Variants in ZNF560 observed in about 807,000 individuals in gnomAD.
ZNF560 encodes zinc finger protein 560.
Under a neutral mutation model 81.8 loss-of-function variants are expected in ZNF560, and 54 were observed. The ratio of observed to expected loss-of-function variants is 0.66; its 90% CI spans 0.53 to 0.83. The LOEUF is 0.83. ZNF560 is among the 40% of genes least tolerant of loss of function. The pLI is 0.00. For missense variants in ZNF560, 940 were observed against 932.4 expected (o/e 1.01, Z -0.11); for synonymous variants, 321 against 317.9 (o/e 1.01, Z -0.10).
At position 9,484,715 on chromosome 19, in the gene ZNF560, G is replaced by A. The variant is rs543625861; in HGVS notation, c.-56-9346C>T. Among the ~76,000 whole-genome samples, 386 of 151,458 alleles carry A rather than the reference G, an allele frequency of 2.5e-3. 1 individual carries two copies. The highest frequency in any genetic ancestry group is 5.6e-3 in the South Asian group (27 of 4,780). ...GGAGAATTGCTTGAACCGCAGAGGC[G>A]GAGGCTGCAGTGAGCTGAGATCGCA... On this transcript the variant is annotated intron_variant, in intron 2 of 9. Transcript: ENST00000301480.
At chr19:9,501,670 A>T (rs1474441865), upstream of ZNF560, among the ~76,000 whole-genome samples, 1 of 148,356 alleles carries the variant, frequency 6.7e-6, no homozygotes, top group East Asian at 2.0e-4. Context: ...TAATTTTTGT[A>T]TTTTTTTTTG....
chr19:9,468,878 C>T (rs536674151), intron 9 of ZNF560, among the ~76,000 whole-genome samples: 17 of 152,088 alleles, frequency 1.1e-4, no homozygotes, highest in Non-Finnish European at 1.0e-4. Context: ...TACAGGTACA[C>T]ACCACTATGC....
the ZNF560 span, among the ~76,000 whole-genome samples, chr19:9,447,671 GA>G: frequency 0.048 from 7,268 of 151,636 alleles, 599 homozygotes; most frequent in African/African-American, 0.17. Flanking sequence ...CAAACACAAA[GA>G]AAAAAATGTA....
chr19:9,498,374 A>G (rs1219302606), intron 1 of ZNF560, among the ~76,000 whole-genome samples, 159 bp from the exon 2 acceptor site: 1 of 152,114 alleles, frequency 6.6e-6, no homozygotes, highest in Admixed American at 6.6e-5. Flanking sequence ...GAAGGTCCCA[A>G]TGGCCTCTTC....
the ZNF560 span, among the ~76,000 whole-genome samples, chr19:9,455,939 G>A: frequency 6.6e-6 from 1 of 152,200 alleles, no homozygotes; most frequent in South Asian, 2.1e-4. Flanking sequence ...AAATCAGAGG[G>A]TCCAACTACC....
chr19:9,505,971 A>G, the ZNF560 span, among the ~76,000 whole-genome samples: 2 of 143,870 alleles, frequency 1.4e-5, no homozygotes, highest in South Asian at 2.2e-4. Flanking sequence ...GCTTTCATTC[A>G]TATTTACTTT....
chr19:9,491,876 A>G (rs970947445), intron 2 of ZNF560, among the ~76,000 whole-genome samples: 4 of 120,212 alleles, frequency 3.3e-5, no homozygotes, highest in Non-Finnish European at 6.7e-5. Context: ...GCTCAACAGT[A>G]TGGACTTCCA....
the ZNF560 span, among the ~76,000 whole-genome samples, chr19:9,449,296 ACT>A: frequency 6.6e-6 from 1 of 152,132 alleles, no homozygotes; most frequent in Admixed American, 6.5e-5. Flanking sequence ...TACCAACCAT[ACT>A]CTCAGACCAC....
intron 2 of ZNF560, among the ~76,000 whole-genome samples, chr19:9,478,987 G>A (rs968736609): frequency 2.0e-5 from 3 of 152,058 alleles, no homozygotes; most frequent in Admixed American, 6.6e-5. Flanking sequence ...CCAACATGGC[G>A]AAACCTTGCC....
intron 2 of ZNF560, among the ~76,000 whole-genome samples, chr19:9,481,109 A>G (rs1415144638): frequency 6.7e-6 from 1 of 149,276 alleles, no homozygotes; most frequent in Non-Finnish European, 1.5e-5. Context: ...AGGCCTCAGA[A>G]ATAACACCAC....
At chr19:9,469,960 C>T (rs1329681118) in intron 7 of ZNF560, 4 of 488,044 alleles carry the variant, frequency 8.2e-6, no homozygotes, top group Non-Finnish European at 1.4e-5. Context: ...TTCTAAATGG[C>T]AAATGTTAAA....
chr19:9,471,896 G>A (rs1465613943), intron 5 of ZNF560, among the ~76,000 whole-genome samples: 1 of 152,192 alleles, frequency 6.6e-6, no homozygotes, highest in Non-Finnish European at 1.5e-5. Context: ...GGATCACAAG[G>A]TTAGGAGATG....
intron 5 of ZNF560, among the ~76,000 whole-genome samples, chr19:9,471,772 G>A (rs2073126102): frequency 6.6e-6 from 1 of 152,222 alleles, no homozygotes; most frequent in South Asian, 2.1e-4. Flanking sequence ...TCTAACTTCT[G>A]AGATAAATGG....
At chr19:9,470,670 T>C in intron 6 of ZNF560, 152 bp from the exon 7 acceptor site, 1 of 975,372 alleles carries the variant, frequency 1.0e-6, no homozygotes, top group South Asian at 1.6e-5. Context: ...AACTCTTCTA[T>C]CCACATTCAC....
chr19:9,491,740 C>T (rs1027655302), intron 2 of ZNF560, among the ~76,000 whole-genome samples: 1 of 126,912 alleles, frequency 7.9e-6, no homozygotes, highest in Admixed American at 7.7e-5. Context: ...ACAGGAGAAT[C>T]GCTTGGACCT....
downstream of ZNF560, among the ~76,000 whole-genome samples, chr19:9,465,035 G>T (rs2072992871): frequency 6.6e-6 from 1 of 151,318 alleles, no homozygotes; most frequent in Non-Finnish European, 1.5e-5. Context: ...TATTTGGCAA[G>T]AATAAAACTT....
the ZNF560 span, among the ~76,000 whole-genome samples, chr19:9,454,030 C>T: frequency 9.9e-5 from 15 of 152,200 alleles, no homozygotes; most frequent in Admixed American, 7.9e-4. Context: ...GCTGGTTCAC[C>T]AGAATAAGCT....
intron 2 of ZNF560, among the ~76,000 whole-genome samples, chr19:9,492,905 G>A (rs2073494990): frequency 6.6e-6 from 1 of 152,178 alleles, no homozygotes; most frequent in African/African-American, 2.4e-5. Flanking sequence ...TGCTTCCCCA[G>A]GGGCAACTAT....
At chr19:9,471,258 G>T (rs2073115991) in intron 6 of ZNF560, 38 bp downstream of exon 6, 1 of 1,439,082 alleles carries the variant, frequency 6.9e-7, no homozygotes, top group Non-Finnish European at 9.5e-7. Flanking sequence ...AATATTCTCT[G>T]AGTGTGAAAA....
Sources: gnomAD v4.1 joint callset for allele counts (sites outside exome capture counted in the v4.1 genomes callset) on GRCh38, gnomAD v4.1.1 for gene constraint, MANE v1.5 for transcripts, NCBI Gene and HGNC (gene_info 2026-07-23, HGNC 2026-07-21) for gene names.